Variants in LPP observed in about 807,000 individuals in gnomAD.
LPP encodes the protein LIM domain containing preferred translocation partner in lipoma.
In LPP, 38 loss-of-function variants were observed where a neutral mutation model predicts 60.4. The observed-to-expected ratio is 0.63, with a 90% CI of 0.49 to 0.83. The LOEUF is 0.83. LPP is among the 40% of genes least tolerant of loss of function. The probability of loss-of-function intolerance (pLI) is 0.00; values close to 1 mark genes in which losing one functional copy is unlikely to be tolerated. For missense variants in LPP, 902 were observed against 783.6 expected (o/e 1.15, Z -1.80); for synonymous variants, 328 against 290.8 (o/e 1.13, Z -1.30).
At position 188,568,874 on chromosome 3, in the gene LPP, T is replaced by C. The variant is rs1186078143; in HGVS notation, c.430-40287T>C. 2.0e-5 allele frequency among the ~76,000 whole-genome samples: 3 copies of C among 151,868 alleles called. No individual in the cohort carries two copies. In the East Asian group the frequency reaches 5.8e-4, roughly 30 times the overall value. The stretch of plus-strand genomic sequence containing the variant: ...CATTTGGGACTGTGTGGGCAGACAG[T>C]GGCTGCAGGGCCTGAAGGGTGGAGA... On this transcript the variant is annotated intron_variant, in intron 6 of 11. Transcript: ENST00000617246.
intron 5 of LPP, among the ~76,000 whole-genome samples, chr3:188,520,903 T>C (rs1236969696): frequency 1.3e-5 from 2 of 151,918 alleles, no homozygotes. Context: ...AGATAGGGAG[T>C]TAGGAGAAAG....
At position 188,823,946 on chromosome 3, in the gene LPP, T is replaced by C. The variant is rs143714881; in HGVS notation, c.1411-42254T>C. On this transcript the variant is annotated intron_variant, in intron 9 of 11. Coordinates refer to ENST00000617246, the MANE Select transcript of LPP (RefSeq NM_001375462.1). ...ATTCTCAAAACCATTAGATCTTAAG[T>C]ATATTCCACTACCAAAGTCATTAAT... Among the ~76,000 whole-genome samples, 337 of 152,306 alleles carry C rather than the reference T, an allele frequency of 2.2e-3. 2 individuals carry two copies. Among genetic ancestry groups the C allele is most frequent in the African/African-American group, 7.9e-3 (327 of 41,564 alleles).
chr3:188,398,740 C>G (rs1489579974), intron 3 of LPP, among the ~76,000 whole-genome samples: 1 of 152,250 alleles, frequency 6.6e-6, no homozygotes, highest in Non-Finnish European at 1.5e-5. Flanking sequence ...CACAGCATAT[C>G]TGCTTCGCAA....
At chr3:188,294,581 C>T (rs189768121) in intron 2 of LPP, among the ~76,000 whole-genome samples, 1 of 152,032 alleles carries the variant, frequency 6.6e-6, no homozygotes, top group African/African-American at 2.4e-5. Flanking sequence ...ACGTTTTTTT[C>T]TCAGAAGCTT....
intron 3 of LPP, among the ~76,000 whole-genome samples, chr3:188,343,773 C>A (rs1378827700): frequency 6.6e-6 from 1 of 152,074 alleles, no homozygotes; most frequent in Non-Finnish European, 1.5e-5. Context: ...TCTCAAGTAA[C>A]CTTTGGGAGG....
chr3:188,175,118 G>A (rs1396235324), intron 1 of LPP, among the ~76,000 whole-genome samples: 2 of 151,980 alleles, frequency 1.3e-5, no homozygotes, highest in Admixed American at 1.3e-4. Flanking sequence ...TCAGAGTCTC[G>A]CTCTGTCGCT....
intron 1 of LPP, among the ~76,000 whole-genome samples, chr3:188,203,574 T>TTAATA (rs1732176602): frequency 9.9e-6 from 1 of 100,958 alleles, no homozygotes; most frequent in Non-Finnish European, 1.8e-5. Flanking sequence ...TAAATATATA[T>TTAATA]TTAAATATAT....
intron 8 of LPP, chr3:188,712,158 C>T (rs1371097968): frequency 1.3e-5 from 2 of 152,196 alleles, no homozygotes; most frequent in Non-Finnish European, 2.9e-5. Flanking sequence ...ATGAGAACTG[C>T]TCTGTGGATA....
intron 4 of LPP, among the ~76,000 whole-genome samples, chr3:188,426,415 G>A: frequency 6.6e-6 from 1 of 152,104 alleles, no homozygotes. Context: ...GTTCTTAGAA[G>A]AATATATATT....
chr3:188,262,091 C>T (rs867357483), intron 2 of LPP, among the ~76,000 whole-genome samples: 2 of 152,290 alleles, frequency 1.3e-5, no homozygotes, highest in Middle Eastern at 6.8e-3. Context: ...TGGGATTCGG[C>T]TCTCTCCCAG....
chr3:188,490,593 A>G (rs909972885), intron 5 of LPP, among the ~76,000 whole-genome samples: 1 of 151,710 alleles, frequency 6.6e-6, no homozygotes, highest in Admixed American at 6.6e-5. Flanking sequence ...TGAACTCCTG[A>G]CTTCGGGTGA....
intron 8 of LPP, among the ~76,000 whole-genome samples, chr3:188,757,909 T>TTTTTTTTTC (rs1372528441): frequency 6.8e-6 from 1 of 147,876 alleles, no homozygotes; most frequent in African/African-American, 2.5e-5. Context: ...TTTTTTTTTT[T>TTTTTTTTTC]CAGAATAATT....
intron 4 of LPP, among the ~76,000 whole-genome samples, chr3:188,454,215 G>A (rs1797231018): frequency 6.6e-6 from 1 of 152,180 alleles, no homozygotes; most frequent in South Asian, 2.1e-4. Context: ...AGGCAGTGTG[G>A]CATCACAGCC....
intron 6 of LPP, among the ~76,000 whole-genome samples, chr3:188,577,761 GTTCCTTCC>G (rs1396196937): frequency 1.8e-4 from 20 of 113,304 alleles, no homozygotes; most frequent in African/African-American, 5.6e-4. Flanking sequence ...TCGTTCCTTC[GTTCCTTCC>G]TTCCTTCCTT....
chr3:188,602,164 AAT>A (rs1180340810), intron 6 of LPP, among the ~76,000 whole-genome samples: 1 of 98,912 alleles, frequency 1.0e-5, no homozygotes, highest in African/African-American at 3.8e-5. Flanking sequence ...ATATATATAT[AAT>A]ATATATATAT....
intron 1 of LPP, among the ~76,000 whole-genome samples, chr3:188,224,121 T>C (rs1183854370): frequency 1.3e-5 from 2 of 152,084 alleles, no homozygotes; most frequent in South Asian, 4.2e-4. Flanking sequence ...CTCTGCCCAG[T>C]GTGTTTTGTT....
chr3:188,485,792 G>A (rs1421870256), intron 5 of LPP, among the ~76,000 whole-genome samples: 295 of 2,510 alleles, frequency 0.12, 1 homozygote, highest in Non-Finnish European at 0.4. Flanking sequence ...GCGAGACTCC[G>A]TCTCAAAAAA....
intron 1 of LPP, among the ~76,000 whole-genome samples, chr3:188,164,770 G>C (rs1719428573): frequency 6.6e-6 from 1 of 152,152 alleles, no homozygotes; most frequent in African/African-American, 2.4e-5. Flanking sequence ...TTCCAGTAGT[G>C]ACAGCTGGAC....
intron 2 of LPP, among the ~76,000 whole-genome samples, chr3:188,277,504 C>T (rs1031895899): frequency 1.3e-5 from 2 of 152,106 alleles, no homozygotes; most frequent in Non-Finnish European, 1.5e-5. Flanking sequence ...TCTCATGACT[C>T]TTTATCTGAG....
Sources: gnomAD v4.1 joint callset for allele counts (sites outside exome capture counted in the v4.1 genomes callset) on GRCh38, gnomAD v4.1.1 for gene constraint, MANE v1.5 for transcripts, NCBI Gene and HGNC (gene_info 2026-07-23, HGNC 2026-07-21) for gene names.